The following PRDM5 variants were observed in gnomAD, a reference collection of about 807,000 sequenced individuals.
The protein encoded by PRDM5 is PR/SET domain 5.
Under a neutral mutation model 81.2 loss-of-function variants are expected in PRDM5, and 56 were observed. That is an observed-to-expected ratio of 0.69 (90% CI 0.56 to 0.86). The LOEUF (loss-of-function observed/expected upper bound fraction) is 0.86. Among genes scored for constraint, PRDM5 ranks in the 40% least tolerant of loss-of-function variants. The probability of loss-of-function intolerance (pLI) is 0.00; values close to 1 mark genes in which losing one functional copy is unlikely to be tolerated. For missense variants in PRDM5, 697 were observed against 770.1 expected, an observed-to-expected ratio of 0.91 and a Z score of 1.12; for synonymous variants, 267 against 256.4, an observed-to-expected ratio of 1.04 and a Z score of -0.39.
intron 8 of PRDM5, among the ~76,000 whole-genome samples, chr4:120,800,084 T>C (rs1751921727): frequency 1.3e-5 from 2 of 152,226 alleles, no homozygotes; most frequent in African/African-American, 4.8e-5. Context: ...TGGAAATATG[T>C]AGCATGCAGT....
chr4:120,741,544 C>G (rs1351516767), intron 14 of PRDM5, among the ~76,000 whole-genome samples: 1 of 151,816 alleles, frequency 6.6e-6, no homozygotes, highest in Non-Finnish European at 1.5e-5. Flanking sequence ...GAGTGCCAGA[C>G]AGTGAGCGCA....
At chr4:120,851,215 G>GAA (rs1360990072) in intron 3 of PRDM5, among the ~76,000 whole-genome samples, 3 of 152,048 alleles carry the variant, frequency 2.0e-5, no homozygotes, top group Non-Finnish European at 4.4e-5. Flanking sequence ...CACCTGAAAA[G>GAA]AAAAACCATC....
At chr4:120,841,760 C>T (rs958730695) in intron 3 of PRDM5, among the ~76,000 whole-genome samples, 3 of 152,112 alleles carry the variant, frequency 2.0e-5, no homozygotes, top group African/African-American at 7.2e-5. Flanking sequence ...GTTTAATTTC[C>T]TCCTCTGGTA....
intron 2 of PRDM5, among the ~76,000 whole-genome samples, chr4:120,857,069 G>A (rs184504186): frequency 9.2e-5 from 14 of 152,222 alleles, no homozygotes; most frequent in Admixed American, 3.9e-4. Context: ...GCTAAAGTAG[G>A]AAACATGCCA....
intron 2 of PRDM5, among the ~76,000 whole-genome samples, chr4:120,858,212 T>G (rs560766249): frequency 6.6e-6 from 1 of 152,346 alleles, no homozygotes; most frequent in African/African-American, 2.4e-5. Flanking sequence ...AGAGTATGGA[T>G]GTCTTTAGAG....
chr4:120,850,661 A>C (rs998520432), intron 3 of PRDM5, among the ~76,000 whole-genome samples: 11 of 152,140 alleles, frequency 7.2e-5, no homozygotes, highest in Non-Finnish European at 1.6e-4. Context: ...ACATACTTAG[A>C]TTATAATTCA....
At chr4:120,875,336 G>A (rs1762236220) in intron 2 of PRDM5, among the ~76,000 whole-genome samples, 1 of 152,236 alleles carries the variant, frequency 6.6e-6, no homozygotes, top group Non-Finnish European at 1.5e-5. Context: ...GGAGCACTGT[G>A]CTGAGGATGA....
At chr4:120,828,100 A>G (rs1756246520) in intron 3 of PRDM5, among the ~76,000 whole-genome samples, 1 of 152,106 alleles carries the variant, frequency 6.6e-6, no homozygotes, top group Admixed American at 6.6e-5. Context: ...TACACTGGAT[A>G]GATACTGGCT....
chr4:120,761,689 C>T (rs1745634878), intron 13 of PRDM5, among the ~76,000 whole-genome samples: 1 of 152,060 alleles, frequency 6.6e-6, no homozygotes, highest in Admixed American at 6.6e-5. Context: ...GACACAAATC[C>T]TTTCGAAAAA....
Position 120,874,687 on chromosome 4 carries a change from T to C in PRDM5, c.178-21147A>G, listed in dbSNP as rs1762169954. ...GGACAAGATTGATTACTATTAGCTT[T>C]ATTATTTAACACTATTGTGAAAAAA... On this transcript the variant is annotated intron_variant, in intron 2 of 15. Coordinates refer to ENST00000264808, the MANE Select transcript of PRDM5 (RefSeq NM_018699.4). 2.6e-5 allele frequency among the ~76,000 whole-genome samples: 4 copies of C among 152,246 alleles called. No individual in the cohort carries two copies. In the South Asian group the frequency reaches 8.3e-4, roughly 32 times the overall value.
intron 10 of PRDM5, among the ~76,000 whole-genome samples, chr4:120,790,294 T>C (rs1373558630): frequency 6.6e-6 from 1 of 152,200 alleles, no homozygotes; most frequent in Admixed American, 6.5e-5. Flanking sequence ...ATGTAGCTCC[T>C]GAAATAGATG....
At chr4:120,750,092 G>A (rs1429667529) in intron 14 of PRDM5, among the ~76,000 whole-genome samples, 1 of 152,100 alleles carries the variant, frequency 6.6e-6, no homozygotes, top group East Asian at 1.9e-4. Flanking sequence ...TAATATGACT[G>A]AAAAAGTAAA....
At chr4:120,897,236 AT>A (rs1389918812) in intron 2 of PRDM5, among the ~76,000 whole-genome samples, 2 of 152,090 alleles carry the variant, frequency 1.3e-5, no homozygotes, top group African/African-American at 4.8e-5. Flanking sequence ...TATTAATGAT[AT>A]TTTTACTGGA....
At chr4:120,806,143 G>C (rs1378330712) in intron 8 of PRDM5, among the ~76,000 whole-genome samples, 2 of 152,244 alleles carry the variant, frequency 1.3e-5, no homozygotes, top group Admixed American at 6.5e-5. Flanking sequence ...ACTTACAAGG[G>C]ATGTGAAGGA....
chr4:120,728,421 T>C lies in PRDM5; in HGVS notation c.1624-18008A>G, dbSNP rs544199711. Among the ~76,000 whole-genome samples, 76 of 152,262 alleles carry C rather than the reference T, an allele frequency of 5.0e-4. 1 individual carries two copies. The highest frequency in any genetic ancestry group is 2.6e-4 in the Non-Finnish European group (18 of 68,020). On this transcript the variant is annotated intron_variant, in intron 14 of 15. Transcript: ENST00000264808. ...ACACATAATGACATAGGAAACTAAA[T>C]GATGTATGTATGTGTGTGTGTATAT...
At chr4:120,869,403 AAATACAATACCTAACTT>A (rs1761549951) in intron 2 of PRDM5, among the ~76,000 whole-genome samples, 1 of 152,220 alleles carries the variant, frequency 6.6e-6, no homozygotes, top group East Asian at 1.9e-4. Context: ...CACTTGTAGA[AAATACAATACCTAACTT>A]TTAAAAAGTT....
At chr4:120,768,236 T>C (rs1477117704) in intron 13 of PRDM5, among the ~76,000 whole-genome samples, 10 of 152,066 alleles carry the variant, frequency 6.6e-5, no homozygotes, top group Middle Eastern at 3.4e-3. Context: ...AATAGCTATA[T>C]AGAAAAAAAA....
intron 2 of PRDM5, among the ~76,000 whole-genome samples, chr4:120,887,322 C>A (rs1483852779): frequency 6.6e-6 from 1 of 152,092 alleles, no homozygotes; most frequent in African/African-American, 2.4e-5. Context: ...TGGAAGCCAA[C>A]CACTTCTCAC....
intron 13 of PRDM5, among the ~76,000 whole-genome samples, chr4:120,768,617 A>G (rs1475000017): frequency 6.6e-6 from 1 of 152,186 alleles, no homozygotes; most frequent in Non-Finnish European, 1.5e-5. Flanking sequence ...CACAACTGCA[A>G]AAGACTATAA....
Sources: allele counts gnomAD v4.1 joint callset (sites outside exome capture counted in the v4.1 genomes callset), GRCh38; gene constraint gnomAD v4.1.1; transcripts MANE v1.5; gene names NCBI Gene and HGNC (gene_info 2026-07-23, HGNC 2026-07-21).